Variants in ILDR2 observed in about 807,000 individuals in gnomAD.
ILDR2 encodes immunoglobulin-like domain-containing receptor 2.
ILDR2 carries 25 observed loss-of-function variants against 66.8 expected under a neutral mutation model. The observed-to-expected ratio is 0.37, with a 90% confidence interval of 0.27 to 0.52. The LOEUF (loss-of-function observed/expected upper bound fraction) is 0.52, where lower values mean the gene tolerates loss of function less well. Ranked by LOEUF, ILDR2 falls within the 20% of genes least tolerant of loss-of-function variation. The pLI is 0.88. For missense variants in ILDR2, 827 were observed against 876.8 expected, an observed-to-expected ratio of 0.94 and a Z score of 0.72; for synonymous variants, 367 against 357.2, an observed-to-expected ratio of 1.03 and a Z score of -0.31.
At position 166,939,560 on chromosome 1, in the gene ILDR2, C is replaced by T. The variant is rs746464390; in HGVS notation, c.510G>A (p.Gly170=). 72 of 1,613,792 alleles carry T rather than the reference C, an allele frequency of 4.5e-5. No individual in the cohort carries two copies. The highest frequency in any genetic ancestry group is 5.8e-5 in the Non-Finnish European group (68 of 1,179,774). ...SVELLVLGRT[G]LLADLLPSFA... ...AACTGGGCAAGAGATCAGCAAGCAGCCCTGTCCTGCCTAGAAGAAGTGGAA... is the reference window on the plus strand; with the variant it reads ...AACTGGGCAAGAGATCAGCAAGCAGTCCTGTCCTGCCTAGAAGAAGTGGAA... The change falls in exon 4 of 10, where the codon GGG becomes GGA. Residue 170 remains glycine (G), a synonymous_variant. Transcript: ENST00000271417.
rs1337084718 is a variant in ILDR2, at chr1:166,910,077, T to C, written c.*9278A>G. On this transcript the variant is annotated 3_prime_UTR_variant, in exon 10 of 10. Coordinates refer to ENST00000271417, the MANE Select transcript of ILDR2 (RefSeq NM_199351.3). ...GCTGAAGACTAGGGAATGGACTATT[T>C]AGGTCCTTTGGTTGTACAGTTTGAT... The C allele has an allele frequency of 2.0e-5, 3 of 152,036 alleles. No individual in the cohort carries two copies. Among genetic ancestry groups the C allele is most frequent in the Non-Finnish European group, 4.4e-5 (3 of 68,018 alleles). 9.4% of individuals were successfully genotyped at this position (152,036 alleles called of 1,614,324 possible).
chr1:166,960,497 T>G (rs1662546527), intron 1 of ILDR2, among the ~76,000 whole-genome samples: 1 of 152,198 alleles, frequency 6.6e-6, no homozygotes, highest in Non-Finnish European at 1.5e-5. Context: ...AGCACCATAA[T>G]GCTTACTCTC....
rs146595660 is a variant in ILDR2 at position 166,913,951 on chromosome 1, TACAA to T, written c.*5400_*5403del. ...GGGAAATATAGCAAGACCCCATCTC[TACAA>T]ACAAACAAAATTTGCTGGACGTGGT... On this transcript the variant is annotated 3_prime_UTR_variant, in exon 10 of 10. Transcript: ENST00000271417. 4.6e-5 allele frequency: 7 copies of T among 152,130 alleles called. No homozygotes were observed. The highest frequency in any genetic ancestry group is 1.7e-4 in the African/African-American group (7 of 41,490). 9.4% of individuals were successfully genotyped at this position (152,130 alleles called of 1,614,324 possible). A position where few individuals can be genotyped will look rare whatever the true frequency, so the allele number is the denominator to read the frequency against.
At chr1:166,937,204 A>G (rs976859774) in intron 4 of ILDR2, among the ~76,000 whole-genome samples, 6 of 152,150 alleles carry the variant, frequency 3.9e-5, no homozygotes, top group African/African-American at 1.4e-4. Flanking sequence ...TCCTGAGGAA[A>G]CAGTCTCTAT....
At chr1:166,965,575 T>G (rs980880473) in intron 1 of ILDR2, among the ~76,000 whole-genome samples, 48 of 147,738 alleles carry the variant, frequency 3.2e-4, no homozygotes, top group African/African-American at 1.1e-3. Context: ...GTTTTGTTTT[T>G]TTTTTTGTTT....
intron 1 of ILDR2, among the ~76,000 whole-genome samples, chr1:166,967,421 AG>A (rs1663026228): frequency 6.8e-6 from 1 of 148,008 alleles, no homozygotes; most frequent in African/African-American, 2.5e-5. Flanking sequence ...GTAGAAACGG[AG>A]GGGGAAGGGA....
At chr1:166,927,313 G>A (rs550989059) in intron 6 of ILDR2, 133 bp from the exon 7 acceptor site, 10 of 631,266 alleles carry the variant, frequency 1.6e-5, no homozygotes, top group Admixed American at 2.9e-5. Context: ...CAGAAATAAC[G>A]ATCTATATTT....
rs2101827956 is a variant in ILDR2, at chr1:166,912,688, T to G, written c.*6667A>C. The G allele has an allele frequency of 6.6e-6, 1 of 152,354 alleles. No individual in the cohort carries two copies. Among genetic ancestry groups the G allele is most frequent in the African/African-American group, 2.4e-5 (1 of 41,588 alleles). The allele number at this position is 152,354 out of a possible 1,614,324, so 9.4% of individuals were successfully genotyped here. A position where few individuals can be genotyped will look rare whatever the true frequency, so the allele number is the denominator to read the frequency against. ...AAATCTGGAATTCCCTTGAGAGGGC[T>G]TAGCCATCCAAAACAGGATTAATAG... On this transcript the variant is annotated 3_prime_UTR_variant, in exon 10 of 10. Transcript: ENST00000271417.
Position 166,936,720 on chromosome 1 carries a change from G to A in ILDR2, c.574C>T (p.Leu192=). Residue 192 remains leucine, a synonymous_variant, in exon 5 of 10, where the codon CTG becomes TTG. Transcript: ENST00000271417. This position sits in a 1 kb window ranked among gnomAD's most constrained non-coding sequence, Gnocchi z 5.0. Reference sequence around the variant, plus strand: ...AAGAGGAAGACGCCCAGGAGCACCAGGCCAACAAACACCCACTCTGGAAGG... The same window carrying A: ...AAGAGGAAGACGCCCAGGAGCACCAAGCCAACAAACACCCACTCTGGAAGG... ...EIMPEWVFVG[L]VLLGVFLFFV... 6.2e-7 allele frequency: 1 copy of A among 1,614,094 alleles called. No individual in the cohort carries two copies. The highest frequency in any genetic ancestry group is 8.5e-7 in the Non-Finnish European group (1 of 1,180,010).
intron 1 of ILDR2, among the ~76,000 whole-genome samples, chr1:166,959,098 A>G (rs902042361): frequency 6.6e-6 from 1 of 152,214 alleles, no homozygotes; most frequent in Non-Finnish European, 1.5e-5. Flanking sequence ...AGGTCTTTGC[A>G]CATGATGTCT....
intron 2 of ILDR2, among the ~76,000 whole-genome samples, chr1:166,902,189 C>A (rs1209751064): frequency 6.6e-6 from 1 of 152,248 alleles, no homozygotes. Context: ...ATGCAAAAGT[C>A]TCTCTTTTTC....
chr1:166,958,389 G>A (rs1662407013), intron 1 of ILDR2, among the ~76,000 whole-genome samples: 2 of 152,096 alleles, frequency 1.3e-5, no homozygotes, highest in Non-Finnish European at 2.9e-5. Context: ...TGTTCTCGTG[G>A]TAGGGAGTGA....
At chr1:166,935,142 A>G (rs781384399) in intron 6 of ILDR2, among the ~76,000 whole-genome samples, 159 bp downstream of exon 6, 2 of 152,224 alleles carry the variant, frequency 1.3e-5, no homozygotes, top group Non-Finnish European at 2.9e-5. Flanking sequence ...GCATGAATGT[A>G]CCCTAAAAGA....
intron 1 of ILDR2, among the ~76,000 whole-genome samples, chr1:166,962,936 C>G (rs1662707987): frequency 6.6e-6 from 1 of 152,190 alleles, no homozygotes; most frequent in Non-Finnish European, 1.5e-5. Flanking sequence ...TTATGTCTCA[C>G]ACCCCCAACT....
At chr1:166,903,681 T>C (rs754589594), downstream of ILDR2, among the ~76,000 whole-genome samples, 2 of 152,194 alleles carry the variant, frequency 1.3e-5, no homozygotes, top group Non-Finnish European at 2.9e-5. Context: ...TAGGTGATGT[T>C]GGGGGCCCCT....
rs1026599150 is a variant in ILDR2, at chr1:166,917,348, T to G, written c.*2007A>C. The stretch of plus-strand genomic sequence containing the variant: ...TTATTTCATTGCAAACATAGGACTT[T>G]TTTTGGAAATGTCATGAAGTACAAA... On this transcript the variant is annotated 3_prime_UTR_variant, in exon 10 of 10. Transcript: ENST00000271417. 1.3e-5 allele frequency: 2 copies of G among 152,246 alleles called. No homozygotes were observed. Among genetic ancestry groups the G allele is most frequent in the Non-Finnish European group, 2.9e-5 (2 of 68,062 alleles). The allele number at this position is 152,246 out of a possible 1,614,324, so 9.4% of individuals were successfully genotyped here. A position where few individuals can be genotyped will look rare whatever the true frequency, so the allele number is the denominator to read the frequency against.
At chr1:166,959,679 G>A (rs183382449) in intron 1 of ILDR2, among the ~76,000 whole-genome samples, 3 of 152,210 alleles carry the variant, frequency 2.0e-5, no homozygotes, top group Admixed American at 6.5e-5. Flanking sequence ...AATGAGAGAC[G>A]AGGGGAGTGT....
chr1:166,950,429 T>C (rs1360631448), intron 3 of ILDR2, among the ~76,000 whole-genome samples: 2 of 152,092 alleles, frequency 1.3e-5, no homozygotes, highest in African/African-American at 4.8e-5. Context: ...AGGGGAAACA[T>C]TGGCAACAAG....
chr1:166,906,439 T>C (rs1418003899), downstream of ILDR2, among the ~76,000 whole-genome samples: 6 of 152,096 alleles, frequency 3.9e-5, no homozygotes, highest in African/African-American at 1.4e-4. Context: ...AAGAAAGTGC[T>C]CAGAGAGGGG....
Sources: gnomAD v4.1 joint callset for allele counts (sites outside exome capture counted in the v4.1 genomes callset) on GRCh38, gnomAD v4.1.1 for gene constraint, Gnocchi (gnomAD v3.1) non-coding constraint, MANE v1.5 for transcripts, NCBI Gene and HGNC (gene_info 2026-07-23, HGNC 2026-07-21) for gene names.